The following ABLIM1 variants were observed in gnomAD, a reference collection of about 807,000 sequenced individuals.
ABLIM1 encodes the protein actin binding LIM protein 1, also known as actin-binding LIM protein 1.
Under a neutral mutation model 107.0 loss-of-function variants are expected in ABLIM1, and 40 were observed. That is an observed-to-expected ratio of 0.37 (90% CI 0.29 to 0.49). ABLIM1 has a LOEUF of 0.49. Ranked by LOEUF, ABLIM1 falls within the 20% of genes least tolerant of loss-of-function variation. The pLI is 0.97. For synonymous variants in ABLIM1, 357 were observed against 357.3 expected (o/e 1.00, Z 0.01); for missense variants, 857 against 1,008.5 (o/e 0.85, Z 2.04).
intron 6 of ABLIM1, among the ~76,000 whole-genome samples, chr10:114,501,481 C>A (rs986177454): frequency 1.3e-5 from 2 of 152,124 alleles, no homozygotes; most frequent in Non-Finnish European, 1.5e-5. Flanking sequence ...TATATAAAAT[C>A]GAGCCTTCAT....
intron 1 of ABLIM1, among the ~76,000 whole-genome samples, chr10:114,676,323 A>G (rs1212633442): frequency 6.6e-6 from 1 of 152,100 alleles, no homozygotes; most frequent in African/African-American, 2.4e-5. Flanking sequence ...CTAAAAATAC[A>G]AAAATTAGCT....
chr10:114,781,018 A>T, the ABLIM1 span, among the ~76,000 whole-genome samples: 1 of 152,232 alleles, frequency 6.6e-6, no homozygotes, highest in Admixed American at 6.5e-5. Context: ...TCACTCTGGT[A>T]GCCCCGTGGT....
At chr10:114,455,223 T>C (rs931601416) in intron 12 of ABLIM1, among the ~76,000 whole-genome samples, 1 of 152,358 alleles carries the variant, frequency 6.6e-6, no homozygotes, top group Middle Eastern at 3.4e-3. Context: ...TCTGTGTCTA[T>C]TACTGAGTCA....
At chr10:114,765,742 G>T (rs886527417) in intron 1 of ABLIM1, among the ~76,000 whole-genome samples, 2 of 152,050 alleles carry the variant, frequency 1.3e-5, no homozygotes, top group South Asian at 4.1e-4. Context: ...AAAAAGATAC[G>T]TAAAATCCTC....
At chr10:114,470,424 A>C (rs2066269981) in intron 10 of ABLIM1, among the ~76,000 whole-genome samples, 3 of 50,126 alleles carry the variant, frequency 6.0e-5, no homozygotes, top group Non-Finnish European at 4.2e-5. Flanking sequence ...TCCACCTCAA[A>C]AAAAAAAAAA....
intron 13 of ABLIM1, 52 bp from the exon 14 acceptor site, chr10:114,451,723 G>A (rs767384904): frequency 6.2e-6 from 9 of 1,461,092 alleles, no homozygotes; most frequent in African/African-American, 1.4e-5. Flanking sequence ...GTTCAGCGAT[G>A]GGAAAAACAG....
chr10:114,733,321 T>G (rs1378832327), intron 1 of ABLIM1, among the ~76,000 whole-genome samples: 1 of 152,188 alleles, frequency 6.6e-6, no homozygotes, highest in Non-Finnish European at 1.5e-5. Flanking sequence ...TGAATTTTTA[T>G]GCAATACAAA....
In ABLIM1 at chr10:114,657,942, G is replaced by C; in HGVS notation, c.244+15C>G. The C allele has an allele frequency of 6.3e-7, 1 of 1,595,840 alleles. No homozygotes were observed. The highest frequency in any genetic ancestry group is 8.6e-7 in the Non-Finnish European group (1 of 1,165,352). ...AAAACACAAAACCATGTCCAGAGAGGGTTATTTTACTTACCAAAAGGATCA... is the reference window on the plus strand; with the variant it reads ...AAAACACAAAACCATGTCCAGAGAGCGTTATTTTACTTACCAAAAGGATCA... On this transcript the variant is annotated intron_variant, in intron 1 of 22. Transcript: ENST00000533213.
chr10:114,560,309 C>A (rs1272461337), intron 4 of ABLIM1, among the ~76,000 whole-genome samples: 2 of 152,270 alleles, frequency 1.3e-5, no homozygotes, highest in East Asian at 3.9e-4. Context: ...AAACATTATT[C>A]AGCCATAAAG....
chr10:114,439,469 T>A (rs949579975), intron 20 of ABLIM1: 1 of 607,872 alleles, frequency 1.6e-6, no homozygotes, highest in Non-Finnish European at 2.9e-6. Flanking sequence ...CTTGGCTTGA[T>A]GGTTATGGAC....
intron 1 of ABLIM1, among the ~76,000 whole-genome samples, chr10:114,706,175 G>T (rs2081416916): frequency 6.6e-6 from 1 of 152,168 alleles, no homozygotes; most frequent in Non-Finnish European, 1.5e-5. Context: ...AATTAGAGAA[G>T]GAGAAGGGAA....
chr10:114,607,514 G>C (rs1488697662), intron 1 of ABLIM1, among the ~76,000 whole-genome samples: 6 of 152,136 alleles, frequency 3.9e-5, no homozygotes, highest in Non-Finnish European at 8.8e-5. Flanking sequence ...CTTTACAATA[G>C]AGAAATCTGA....
At chr10:114,626,182 C>G (rs911656864) in intron 1 of ABLIM1, among the ~76,000 whole-genome samples, 15 of 152,058 alleles carry the variant, frequency 9.9e-5, no homozygotes, top group Admixed American at 9.8e-4. Context: ...ACATTTGAGA[C>G]ATAGTACATC....
At position 114,569,326 on chromosome 10, in the gene ABLIM1, T is replaced by C. The variant is rs368505264; in HGVS notation, c.673+1971A>G. 2.4e-4 allele frequency among the ~76,000 whole-genome samples: 36 copies of C among 152,054 alleles called. No homozygotes were observed. In the East Asian group the frequency reaches 3.1e-3, roughly 13 times the overall value. The stretch of plus-strand genomic sequence containing the variant: ...AAAGCCTCTTTTTCTTTTTCTTTTT[T>C]TTTTTTCTTTGAGATGGAGTTTTGC... On this transcript the variant is annotated intron_variant, in intron 4 of 22. Transcript: ENST00000533213.
Position 114,500,684 on chromosome 10 carries a change from A to G in ABLIM1, c.895-8806T>C, listed in dbSNP as rs896949449. 1.3e-3 allele frequency among the ~76,000 whole-genome samples: 90 copies of G among 69,356 alleles called. 1 individual carries two copies. The highest frequency in any genetic ancestry group is 2.5e-3 in the Non-Finnish European group (77 of 31,284). The allele number at this position is 69,356 out of a possible 152,430, so 45.5% of individuals were successfully genotyped here. On this transcript the variant is annotated intron_variant, in intron 6 of 22. Transcript: ENST00000533213. ...ACAGAGGAAGACCTTGTGTCGAAAG[A>G]AAAAAAAAAAAAAAAAAGAAAGAGA...
chr10:114,719,359 A>C (rs2081783511), intron 1 of ABLIM1, among the ~76,000 whole-genome samples: 1 of 152,210 alleles, frequency 6.6e-6, no homozygotes, highest in Non-Finnish European at 1.5e-5. Flanking sequence ...GAGGATCTCT[A>C]TTCACCTACG....
intron 1 of ABLIM1, among the ~76,000 whole-genome samples, chr10:114,631,273 TG>T (rs2140719209): frequency 6.6e-6 from 1 of 152,340 alleles, no homozygotes; most frequent in East Asian, 1.9e-4. Flanking sequence ...GATGTACACC[TG>T]TTCAGGCCAC....
intron 12 of ABLIM1, among the ~76,000 whole-genome samples, chr10:114,461,734 G>C (rs763924690): frequency 1.3e-4 from 20 of 152,034 alleles, no homozygotes; most frequent in Non-Finnish European, 2.6e-4. Flanking sequence ...CATAAGAATC[G>C]CTTGAGCCTG....
At chr10:114,470,456 A>G (rs2066284552) in intron 10 of ABLIM1, among the ~76,000 whole-genome samples, 1 of 150,254 alleles carries the variant, frequency 6.7e-6, no homozygotes, top group Non-Finnish European at 1.5e-5. Flanking sequence ...CAATATGTAT[A>G]TGAGGTCTAT....
Sources: gnomAD v4.1 joint callset for allele counts (sites outside exome capture counted in the v4.1 genomes callset) on GRCh38, gnomAD v4.1.1 for gene constraint, MANE v1.5 for transcripts, NCBI Gene and HGNC (gene_info 2026-07-23, HGNC 2026-07-21) for gene names.